CNOT10: variants seen among roughly 807,000 people sequenced by gnomAD.
CNOT10 encodes CCR4-NOT transcription complex subunit 10.
CNOT10 carries 30 observed loss-of-function variants against 94.6 expected under a neutral mutation model. That is an observed-to-expected ratio of 0.32 (90% CI 0.24 to 0.43). The LOEUF (loss-of-function observed/expected upper bound fraction) is 0.43, where lower values mean the gene tolerates loss of function less well. Among genes scored for constraint, CNOT10 ranks in the 20% least tolerant of loss-of-function variants. The probability of loss-of-function intolerance (pLI) is 1.00; values close to 1 mark genes in which losing one functional copy is unlikely to be tolerated. For missense variants in CNOT10, 759 were observed against 877.2 expected, an observed-to-expected ratio of 0.87 and a Z score of 1.70; for synonymous variants, 289 against 301.6, an observed-to-expected ratio of 0.96 and a Z score of 0.43.
rs943497535 is a variant in CNOT10, at chr3:32,691,147, TAC to T, written c.22+5666_22+5667del. On this transcript the variant is annotated intron_variant, in intron 1 of 18. Transcript: ENST00000328834. ...AGTAGCTGGGCTTGCAGGCACACGCTACCACAGCCAGCTTTTTTTTTTTTTTT... is the reference window on the plus strand; with the variant it reads ...AGTAGCTGGGCTTGCAGGCACACGCTCACAGCCAGCTTTTTTTTTTTTTTT... Among the ~76,000 whole-genome samples, 7 of 144,148 alleles carry T rather than the reference TAC, an allele frequency of 4.9e-5. No homozygotes were observed. The Admixed American group carries it at 4.9e-4, about 10-fold the overall frequency. 94.6% of individuals were successfully genotyped at this position (144,148 alleles called of 152,430 possible).
intron 15 of CNOT10, chr3:32,764,108 C>T (rs1195629492): frequency 9.7e-6 from 2 of 206,050 alleles, no homozygotes; most frequent in Non-Finnish European, 1.9e-5. Flanking sequence ...TGGGCGGCAA[C>T]AAGAGCAAAA....
chr3:32,685,557 G>A (rs2125479932), intron 1 of CNOT10, 75 bp downstream of exon 1: 2 of 1,517,156 alleles, frequency 1.3e-6, no homozygotes, highest in South Asian at 2.4e-5. Flanking sequence ...CGGAGGCGGC[G>A]GGGCCCGGGG....
chr3:32,725,639 C>T, intron 9 of CNOT10, 40 bp downstream of exon 9: 4 of 1,539,938 alleles, frequency 2.6e-6, no homozygotes, highest in Non-Finnish European at 3.5e-6. Flanking sequence ...TTTACTACTT[C>T]AGAAAAGCAT....
chr3:32,732,626 C>G (rs534343394), intron 10 of CNOT10, among the ~76,000 whole-genome samples: 11 of 151,534 alleles, frequency 7.3e-5, no homozygotes, highest in African/African-American at 2.7e-4. Context: ...AAGGTAGATA[C>G]AGGGGGGTCT....
intron 10 of CNOT10, among the ~76,000 whole-genome samples, chr3:32,728,275 C>T (rs1056700443): frequency 2.1e-4 from 32 of 152,156 alleles, no homozygotes; most frequent in African/African-American, 7.0e-4. Context: ...GGATTACAGG[C>T]GTGAAATGTA....
intron 10 of CNOT10, among the ~76,000 whole-genome samples, chr3:32,731,368 T>C (rs1229523775): frequency 1.3e-5 from 2 of 152,230 alleles, no homozygotes; most frequent in South Asian, 2.1e-4. Context: ...AGATTAGTTT[T>C]GCAAATTCAT....
chr3:32,695,837 C>T (rs1001733534), intron 1 of CNOT10: 3 of 1,529,836 alleles, frequency 2.0e-6, no homozygotes, highest in Non-Finnish European at 2.6e-6. Context: ...GGTAAGAAGT[C>T]AGTAGTTATA....
chr3:32,754,859 A>G (rs1000841443), intron 13 of CNOT10, among the ~76,000 whole-genome samples: 1 of 150,326 alleles, frequency 6.7e-6, no homozygotes, highest in Non-Finnish European at 1.5e-5. Flanking sequence ...CTCTGGGCAT[A>G]CTGCCTGTGG....
intron 10 of CNOT10, among the ~76,000 whole-genome samples, chr3:32,730,010 C>T (rs1483746667): frequency 2.0e-5 from 3 of 151,596 alleles, no homozygotes; most frequent in Admixed American, 6.6e-5. Flanking sequence ...CCTCGTGATC[C>T]GCCCGCCTCG....
At chr3:32,759,791 T>G (rs1700367065) in intron 14 of CNOT10, among the ~76,000 whole-genome samples, 5 of 152,170 alleles carry the variant, frequency 3.3e-5, no homozygotes, top group Admixed American at 3.3e-4. Context: ...GACTCTAGTG[T>G]CCACTTCTAG....
At chr3:32,717,067 TA>T in intron 6 of CNOT10, 86 bp from the exon 7 acceptor site, 1 of 704,854 alleles carries the variant, frequency 1.4e-6, no homozygotes, top group Admixed American at 2.9e-5. Context: ...AACTATGTTG[TA>T]AATAGATTGG....
chr3:32,706,871 G>T (rs1697647760), intron 3 of CNOT10, among the ~76,000 whole-genome samples: 1 of 152,214 alleles, frequency 6.6e-6, no homozygotes, highest in African/African-American at 2.4e-5. Flanking sequence ...AACTCATTGA[G>T]ATGCACATGT....
intron 1 of CNOT10, 40 bp from the exon 2 acceptor site, chr3:32,703,828 C>A: frequency 2.7e-6 from 4 of 1,464,304 alleles, no homozygotes; most frequent in Non-Finnish European, 3.8e-6. Context: ...CACTGTACAA[C>A]TTTTATTTCT....
chr3:32,755,184 TGTG>T lies in CNOT10; in HGVS notation c.1596-4270_1596-4268del, dbSNP rs983993743. Among the ~76,000 whole-genome samples the T allele has an allele frequency of 6.0e-5, 9 of 151,204 alleles. No homozygotes were observed. The South Asian group carries it at 8.4e-4, about 14-fold the overall frequency. On this transcript the variant is annotated intron_variant, in intron 13 of 18. Coordinates refer to ENST00000328834, the MANE Select transcript of CNOT10 (RefSeq NM_015442.3). ...TCACTTGCAACCGGGAAGTGGAGGT[TGTG>T]GTGAGCAGAGATCATGCCATTGCAC... is the stretch of plus-strand genomic sequence containing the variant.
chr3:32,715,520 A>C (rs1469943840), intron 5 of CNOT10, among the ~76,000 whole-genome samples: 1 of 152,194 alleles, frequency 6.6e-6, no homozygotes, highest in African/African-American at 2.4e-5. Context: ...GAAAGTTCAA[A>C]TTTGATATGA....
chr3:32,750,999 A>T (rs764809082), intron 13 of CNOT10, among the ~76,000 whole-genome samples: 34 of 152,230 alleles, frequency 2.2e-4, no homozygotes, highest in Non-Finnish European at 3.4e-4. Flanking sequence ...CAAGAGTCTG[A>T]TAAAGAGTGT....
At chr3:32,688,443 A>G (rs550324211) in intron 1 of CNOT10, among the ~76,000 whole-genome samples, 1 of 152,014 alleles carries the variant, frequency 6.6e-6, no homozygotes, top group Non-Finnish European at 1.5e-5. Flanking sequence ...CTAAAAATAC[A>G]AAAATTAGCC....
intron 1 of CNOT10, among the ~76,000 whole-genome samples, chr3:32,689,810 C>T (rs1398458453): frequency 1.3e-5 from 2 of 152,088 alleles, no homozygotes; most frequent in East Asian, 3.9e-4. Context: ...AAAAAATTAG[C>T]TAGGCATGGT....
intron 14 of CNOT10, among the ~76,000 whole-genome samples, chr3:32,760,736 T>A (rs932119288): frequency 2.6e-5 from 4 of 152,326 alleles, no homozygotes; most frequent in African/African-American, 9.6e-5. Context: ...AGTTCTTTCA[T>A]TCATCGTATA....
Sources: allele counts gnomAD v4.1 joint callset (sites outside exome capture counted in the v4.1 genomes callset), GRCh38; gene constraint gnomAD v4.1.1; transcripts MANE v1.5; gene names NCBI Gene and HGNC (gene_info 2026-07-23, HGNC 2026-07-21).